AXIN2: variants seen among roughly 807,000 people sequenced by gnomAD.
The protein encoded by AXIN2 is axin 2, also known as axin-2.
In AXIN2, 21 loss-of-function variants were observed where a neutral mutation model predicts 74.7. The observed-to-expected ratio is 0.28, with a 90% CI of 0.20 to 0.40. The LOEUF is 0.40. Ranked by LOEUF, AXIN2 falls within the 10% of genes least tolerant of loss-of-function variation. The pLI is 1.00. For synonymous variants in AXIN2, 532 were observed against 454.9 expected (o/e 1.17, Z -2.16); for missense variants, 1,144 against 1,111.1 (o/e 1.03, Z -0.42).
intron 2 of AXIN2, 82 bp downstream of exon 2, chr17:65,557,722 AGC>A: frequency 7.2e-7 from 1 of 1,385,492 alleles, no homozygotes; most frequent in African/African-American, 1.4e-5. Flanking sequence ...CAGTCTCTGC[AGC>A]ACACCCATCC....
At chr17:65,551,850 C>T (rs1012134486) in intron 2 of AXIN2, among the ~76,000 whole-genome samples, 2 of 152,198 alleles carry the variant, frequency 1.3e-5, no homozygotes, top group South Asian at 4.1e-4. Flanking sequence ...TGCCCTGGAT[C>T]CTGTCCGACT....
chr17:65,536,644 C>A, intron 7 of AXIN2, 91 bp from the exon 8 acceptor site: 1 of 1,478,598 alleles, frequency 6.8e-7, no homozygotes, highest in South Asian at 1.1e-5. Context: ...CTTGTCTATT[C>A]TGCTCAGAGA....
At chr17:65,555,541 C>G (rs1654154273) in intron 2 of AXIN2, among the ~76,000 whole-genome samples, 2 of 148,444 alleles carry the variant, frequency 1.3e-5, no homozygotes, top group Non-Finnish European at 2.9e-5. Flanking sequence ...ATCATCATTA[C>G]TAATTATACT....
intron 3 of AXIN2, among the ~76,000 whole-genome samples, chr17:65,548,763 G>C (rs900488547): frequency 2.0e-5 from 3 of 152,146 alleles, no homozygotes; most frequent in Non-Finnish European, 4.4e-5. Context: ...GCCATGACTT[G>C]ACTTCAAATG....
chr17:65,551,663 C>T (rs2044195460), intron 2 of AXIN2, among the ~76,000 whole-genome samples: 1 of 152,152 alleles, frequency 6.6e-6, no homozygotes, highest in Admixed American at 6.5e-5. Flanking sequence ...GCAGTCTCTG[C>T]CTTTAAGGAG....
At chr17:65,544,212 G>C (rs1275182494) in intron 3 of AXIN2, among the ~76,000 whole-genome samples, 3 of 151,630 alleles carry the variant, frequency 2.0e-5, no homozygotes, top group African/African-American at 7.3e-5. Flanking sequence ...CCTTCTCCCA[G>C]ATGAAAGTCA....
rs865850781 is a variant in AXIN2, at chr17:65,543,781, T to C, written c.957-2224A>G. The stretch of plus-strand genomic sequence containing the variant: ...TAAGCCCCACGCAGTCACCTGACAT[T>C]GATAAGGCATGAGGGGGAAATTTGT... On this transcript the variant is annotated intron_variant, in intron 3 of 10. Transcript: ENST00000307078. 3.9e-5 allele frequency among the ~76,000 whole-genome samples: 6 copies of C among 152,286 alleles called. No individual in the cohort carries two copies. In the South Asian group the frequency reaches 1.0e-3, roughly 26 times the overall value.
At chr17:65,540,434 G>A (rs1292197268) in intron 4 of AXIN2, among the ~76,000 whole-genome samples, 1 of 152,202 alleles carries the variant, frequency 6.6e-6, no homozygotes, top group African/African-American at 2.4e-5. Context: ...GAGAAGCATG[G>A]ATCATCTAGC....
Position 65,541,472 on chromosome 17 carries a change from A to G in AXIN2, c.1042T>C (p.Ser348Pro). The G allele has an allele frequency of 1.2e-6, 2 of 1,614,000 alleles. No homozygotes were observed. Among genetic ancestry groups the G allele is most frequent in the Admixed American group, 1.7e-5 (1 of 60,020 alleles). ...HRSVKANGQV[S>P]LPHFPRTHRL... ...GTACTCACCGGGAAATGAGGTAGAG[A>G]CACTTGGCCATTGGCCTTCACACTG... The change falls in exon 4 of 11, where the codon TCT (serine) becomes CCT (proline). Residue 348 changes from serine to proline, a missense_variant. Physicochemically the swap from Ser to Pro is moderately conservative, Grantham distance 74. This residue lies in a region of AXIN2 where 1,053 missense variants were observed against 973.5 expected (regional missense o/e 1.08). Transcript: ENST00000307078.
chr17:65,556,627 T>C (rs1158295895), intron 2 of AXIN2, among the ~76,000 whole-genome samples: 1 of 152,012 alleles, frequency 6.6e-6, no homozygotes, highest in African/African-American at 2.4e-5. Context: ...GTCAACTCTC[T>C]CTGCCGCCCC....
At chr17:65,560,620 C>G (rs2044353101) in intron 1 of AXIN2, 1 of 152,060 alleles carries the variant, frequency 6.6e-6, no homozygotes, top group Admixed American at 6.5e-5. Flanking sequence ...CCCGCCAACC[C>G]GGTCACCGCG....
At chr17:65,537,101 C>A (rs2043938474) in intron 6 of AXIN2, 38 bp from the exon 7 acceptor site, 2 of 1,586,670 alleles carry the variant, frequency 1.3e-6, no homozygotes, top group Non-Finnish European at 1.7e-6. Context: ...CCCAGAGACC[C>A]GGTTAAATCT....
intron 10 of AXIN2, 90 bp from the exon 11 acceptor site, chr17:65,530,192 T>A: frequency 6.4e-7 from 1 of 1,564,840 alleles, no homozygotes. Flanking sequence ...GACTGAGGTA[T>A]CCTAGGAATT....
chr17:65,538,128 C>A (rs530046280), intron 5 of AXIN2, 75 bp downstream of exon 5: 11 of 1,605,974 alleles, frequency 6.8e-6, no homozygotes, highest in Admixed American at 5.0e-5. Context: ...CCTAACGCAC[C>A]CCATGCACAT....
At chr17:65,550,344 T>C (rs926625710) in intron 2 of AXIN2, among the ~76,000 whole-genome samples, 2 of 152,132 alleles carry the variant, frequency 1.3e-5, no homozygotes, top group African/African-American at 4.8e-5. Flanking sequence ...TGCAGCAGGA[T>C]TGAAATGAGC....
rs1165023118 is a variant in AXIN2, at chr17:65,541,542, A to G, written c.972T>C (p.Pro324=). Residue 324 remains proline, a synonymous_variant, in exon 4 of 11, where the codon CCT becomes CCC. Coordinates refer to ENST00000307078, the MANE Select transcript of AXIN2 (RefSeq NM_004655.4). ...MTDSSVDGIP[P]YRVGSKKQLQ... is the part of the protein sequence containing the mutation. ...GCTGTTTCTTACTGCCCACACGATAAGGAGGAATTCCATCTCTAAGGGAAA... is the reference window on the plus strand; with the variant it reads ...GCTGTTTCTTACTGCCCACACGATAGGGAGGAATTCCATCTCTAAGGGAAA... 1 of 1,614,036 alleles carries G rather than the reference A, an allele frequency of 6.2e-7. No homozygotes were observed.
intron 10 of AXIN2, among the ~76,000 whole-genome samples, chr17:65,531,720 C>T (rs2043821880): frequency 6.6e-6 from 1 of 152,134 alleles, no homozygotes; most frequent in African/African-American, 2.4e-5. Flanking sequence ...CTGCACTGCC[C>T]TCATTTTCTC....
chr17:65,558,401 G>A lies in AXIN2; in HGVS notation c.220C>T (p.Pro74Ser). ...EPEGRASPDS[P>S]LTRWTKSLHS... Reference sequence around the variant, plus strand: ...AAGGACTTGGTCCACCGGGTCAGAGGGGAATCCGGAGATGCCCGCCCCTCC... The same window carrying A: ...AAGGACTTGGTCCACCGGGTCAGAGAGGAATCCGGAGATGCCCGCCCCTCC... Residue 74 changes from proline (P) to serine (S), a missense_variant, in exon 2 of 11, where the codon CCT becomes TCT. This residue lies in a region of AXIN2 where 1,053 missense variants were observed against 973.5 expected (regional missense o/e 1.08). Transcript: ENST00000307078. 6.2e-7 allele frequency: 1 copy of A among 1,605,622 alleles called. No individual in the cohort carries two copies. The highest frequency in any genetic ancestry group is 8.5e-7 in the Non-Finnish European group (1 of 1,174,118).
At position 65,538,326 on chromosome 17, in the gene AXIN2, G is replaced by C; in HGVS notation, c.1077C>G (p.Pro359=). 6.2e-7 allele frequency: 1 copy of C among 1,614,166 alleles called. No individual in the cohort carries two copies. Among genetic ancestry groups the C allele is most frequent in the Non-Finnish European group, 8.5e-7 (1 of 1,180,036 alleles). The part of the protein sequence containing the change: ...LPHFPRTHRL[P]KEMTPVEPAT... The stretch of plus-strand genomic sequence containing the variant: ...CGGGTTCCACGGGGGTCATCTCCTT[G>C]GGCAGGCGGTGGGTTCTCTACAGGA... The change falls in exon 5 of 11, where the codon CCC becomes CCG. Residue 359 remains proline (P), a synonymous_variant. Coordinates refer to ENST00000307078, the MANE Select transcript of AXIN2 (RefSeq NM_004655.4).
Sources: gnomAD v4.1 joint callset for allele counts (sites outside exome capture counted in the v4.1 genomes callset) on GRCh38, gnomAD v4.1.1 for gene constraint, gnomAD v4.1.1 regional missense constraint, MANE v1.5 for transcripts, NCBI Gene and HGNC (gene_info 2026-07-23, HGNC 2026-07-21) for gene names.